FBLN5: variants seen among roughly 807,000 people sequenced by gnomAD.
FBLN5 encodes fibulin 5.
FBLN5 carries 24 observed loss-of-function variants against 61.6 expected under a neutral mutation model. The observed-to-expected ratio is 0.39, with a 90% CI of 0.28 to 0.55. FBLN5 has a LOEUF of 0.55. Among genes scored for constraint, FBLN5 ranks in the 20% least tolerant of loss-of-function variants. The probability of loss-of-function intolerance (pLI) is 0.65; values close to 1 mark genes in which losing one functional copy is unlikely to be tolerated. For synonymous variants in FBLN5, 213 were observed against 219.8 expected (o/e 0.97, Z 0.27); for missense variants, 470 against 594.1 (o/e 0.79, Z 2.17).
chr14:91,947,221 T>C lies in FBLN5; in HGVS notation c.9A>G (p.Gly3=). 6.2e-7 allele frequency: 1 copy of C among 1,614,136 alleles called. No homozygotes were observed. The change falls in exon 1 of 11, where the codon GGA becomes GGG. Residue 3 remains glycine, a synonymous_variant. Coordinates refer to ENST00000342058, the MANE Select transcript of FBLN5 (RefSeq NM_006329.4). The surrounding 1 kb of genome is among the most constrained non-coding windows in gnomAD (Gnocchi z 4.3). ...CAGCGCCGAGAACCCACCTTTTTAT[T>C]CCTGGCATGTCCAAGACGCGCGAGG... The part of the protein sequence containing the change: MP[G]IKRILTVTIL...
intron 4 of FBLN5, among the ~76,000 whole-genome samples, chr14:91,928,509 C>T (rs2055867469): frequency 6.6e-6 from 1 of 152,236 alleles, no homozygotes; most frequent in Non-Finnish European, 1.5e-5. Flanking sequence ...TGACAGCTCA[C>T]ACCTGTAATC....
intron 9 of FBLN5, among the ~76,000 whole-genome samples, chr14:91,879,618 A>G (rs2139953733): frequency 6.6e-6 from 1 of 152,372 alleles, no homozygotes; most frequent in South Asian, 2.1e-4. Context: ...GAAGCTGGGA[A>G]GAGCAGCCTG....
intron 6 of FBLN5, among the ~76,000 whole-genome samples, chr14:91,889,831 C>T (rs1260968992): frequency 1.3e-5 from 2 of 152,210 alleles, no homozygotes; most frequent in Non-Finnish European, 2.9e-5. Context: ...CTTGGCACTG[C>T]CAGGTGTATT....
chr14:91,939,074 A>G (rs955650831), intron 3 of FBLN5, among the ~76,000 whole-genome samples: 1 of 152,210 alleles, frequency 6.6e-6, no homozygotes, highest in African/African-American at 2.4e-5. Context: ...CCTCTGGAGC[A>G]TGGTGACGTT....
chr14:91,942,759 T>C lies in FBLN5; in HGVS notation c.72+148A>G, dbSNP rs8014548. Reference sequence around the variant, plus strand: ...TCTCACTTTCTCTGAGCTTCCACTGTTAACCTCTGAGAATGAAGAGCTCAG... The same window carrying C: ...TCTCACTTTCTCTGAGCTTCCACTGCTAACCTCTGAGAATGAAGAGCTCAG... On this transcript the variant is annotated intron_variant, in intron 2 of 10. Transcript: ENST00000342058. The C allele has an allele frequency of 0.077, 50,922 of 659,430 alleles. 2,532 individuals are homozygous for C. Among genetic ancestry groups the C allele is most frequent in the African/African-American group, 0.18 (9,756 of 55,684 alleles). 40.8% of individuals were successfully genotyped at this position (659,430 alleles called of 1,614,324 possible).
At chr14:91,946,632 T>C (rs748373054) in intron 1 of FBLN5, 9 of 1,137,274 alleles carry the variant, frequency 7.9e-6, no homozygotes, top group Non-Finnish European at 1.0e-5. Context: ...GGGTGTCATT[T>C]AGGTAAAGTT....
rs1595286457 is a variant in FBLN5, at chr14:91,870,016, G to A, written c.*208C>T. Reference sequence around the variant, plus strand: ...AATGATAATACTTTTTGATAACTGTGTCATAGGAACTGGGGGTGGCAAGTC... The same window carrying A: ...AATGATAATACTTTTTGATAACTGTATCATAGGAACTGGGGGTGGCAAGTC... On this transcript the variant is annotated 3_prime_UTR_variant, in exon 11 of 11. Transcript: ENST00000342058. 1.6e-6 allele frequency: 1 copy of A among 609,716 alleles called. No individual in the cohort carries two copies. Among genetic ancestry groups the A allele is most frequent in the Non-Finnish European group, 3.0e-6 (1 of 336,754 alleles). 37.8% of individuals were successfully genotyped at this position (609,716 alleles called of 1,614,324 possible).
chr14:91,935,140 C>T (rs2055991682), intron 4 of FBLN5, among the ~76,000 whole-genome samples: 1 of 152,182 alleles, frequency 6.6e-6, no homozygotes, highest in African/African-American at 2.4e-5. Context: ...ATGAAAGTTC[C>T]GCATCTCCCG....
chr14:91,934,203 C>T (rs2055975103), intron 4 of FBLN5, among the ~76,000 whole-genome samples: 1 of 152,178 alleles, frequency 6.6e-6, no homozygotes, highest in African/African-American at 2.4e-5. Flanking sequence ...TCTCAGAAAA[C>T]AAAAATAGCA....
chr14:91,899,032 G>A (rs2139990203), intron 4 of FBLN5, among the ~76,000 whole-genome samples: 1 of 152,042 alleles, frequency 6.6e-6, no homozygotes, highest in Non-Finnish European at 1.5e-5. Flanking sequence ...TCTATCTCCT[G>A]ACCTCGTGAT....
Position 91,882,907 on chromosome 14 carries a change from T to C in FBLN5, c.862+47A>G. The stretch of plus-strand genomic sequence containing the variant: ...TATCCAGATGAGCCCCTGAAGCAGC[T>C]CCACCTCACACATACACCCCAGCCA... On this transcript the variant is annotated intron_variant, in intron 8 of 10. Coordinates refer to ENST00000342058, the MANE Select transcript of FBLN5 (RefSeq NM_006329.4). This position sits in a 1 kb window ranked among gnomAD's most constrained non-coding sequence, Gnocchi z 4.9. The C allele has an allele frequency of 1.9e-6, 3 of 1,607,966 alleles. No homozygotes were observed. Among genetic ancestry groups the C allele is most frequent in the Non-Finnish European group, 2.6e-6 (3 of 1,176,300 alleles).
intron 3 of FBLN5, among the ~76,000 whole-genome samples, chr14:91,938,643 C>A (rs1382062477): frequency 6.6e-6 from 1 of 152,086 alleles, no homozygotes; most frequent in African/African-American, 2.4e-5. Context: ...AGAAAATCAG[C>A]CTTGCTAGGG....
At chr14:91,946,683 C>G (rs1292923565) in intron 1 of FBLN5, 1 of 1,517,938 alleles carries the variant, frequency 6.6e-7, no homozygotes, top group Admixed American at 2.0e-5. Context: ...TTGCAATTTC[C>G]TTAAAGAATA....
chr14:91,929,108 CACACA>C (rs1566824860), intron 4 of FBLN5, among the ~76,000 whole-genome samples: 42 of 148,582 alleles, frequency 2.8e-4, no homozygotes, highest in African/African-American at 1.0e-3. Flanking sequence ...CACACACACA[CACACA>C]CCCCACACAC....
At chr14:91,936,511 G>A (rs1377834659) in intron 4 of FBLN5, among the ~76,000 whole-genome samples, 1 of 152,210 alleles carries the variant, frequency 6.6e-6, no homozygotes, top group Non-Finnish European at 1.5e-5. Context: ...TATTGCAGAA[G>A]CACATGTTCC....
intron 9 of FBLN5, 65 bp downstream of exon 9, chr14:91,881,227 A>G: frequency 6.2e-7 from 1 of 1,600,748 alleles, no homozygotes; most frequent in Non-Finnish European, 8.6e-7. Context: ...TTCACACCAC[A>G]CCTCCAACCT....
rs864309526 is a variant in FBLN5 at position 91,877,555 on chromosome 14, G to A, written c.1117C>T (p.Arg373Cys). Residue 373 changes from arginine (R) to cysteine (C), a missense_variant, in exon 10 of 11, where the codon CGC becomes TGC. Physicochemically the swap from Arg to Cys is radical, Grantham distance 180 (BLOSUM62 -3). Coordinates refer to ENST00000342058, the MANE Select transcript of FBLN5 (RefSeq NM_006329.4). The part of the protein sequence containing the change: ...ADIFQMQATT[R>C]YPGAYYIFQI... Reference sequence around the variant, plus strand: ...AAAATGTAATAGGCCCCAGGGTAGCGGGTCGTGGCTTGCATTTGGAAGATG... The same window carrying A: ...AAAATGTAATAGGCCCCAGGGTAGCAGGTCGTGGCTTGCATTTGGAAGATG... 6.2e-7 allele frequency: 1 copy of A among 1,614,168 alleles called. No individual in the cohort carries two copies. The highest frequency in any genetic ancestry group is 8.5e-7 in the Non-Finnish European group (1 of 1,180,014).
At chr14:91,884,585 G>A (rs1889640920) in intron 7 of FBLN5, among the ~76,000 whole-genome samples, 1 of 152,356 alleles carries the variant, frequency 6.6e-6, no homozygotes, top group Admixed American at 6.5e-5. Context: ...ACAGAGGTTA[G>A]CTGACTTGAC....
Position 91,882,903 on chromosome 14 carries a change from C to A in FBLN5, c.862+51G>T. ...AGGATATCCAGATGAGCCCCTGAAG[C>A]AGCTCCACCTCACACATACACCCCA... On this transcript the variant is annotated intron_variant, in intron 8 of 10. Transcript: ENST00000342058. This position sits in a 1 kb window ranked among gnomAD's most constrained non-coding sequence, Gnocchi z 4.9. The A allele has an allele frequency of 6.2e-7, 1 of 1,605,020 alleles. No homozygotes were observed. The highest frequency in any genetic ancestry group is 8.5e-7 in the Non-Finnish European group (1 of 1,174,146).
Sources: gnomAD v4.1 joint callset for allele counts (sites outside exome capture counted in the v4.1 genomes callset) on GRCh38, gnomAD v4.1.1 for gene constraint, Gnocchi (gnomAD v3.1) non-coding constraint, MANE v1.5 for transcripts, NCBI Gene and HGNC (gene_info 2026-07-23, HGNC 2026-07-21) for gene names.